Variants in FOCAD observed in about 807,000 individuals in gnomAD.
The protein encoded by FOCAD is focadhesin.
Under a neutral mutation model 225.6 loss-of-function variants are expected in FOCAD, and 198 were observed. That is an observed-to-expected ratio of 0.88 (90% CI 0.78 to 0.99). The LOEUF is 0.99. FOCAD is among the 50% of genes least tolerant of loss of function. The pLI is 0.00. For synonymous variants in FOCAD, 897 were observed against 755.0 expected (o/e 1.19, Z -3.08); for missense variants, 2,713 against 2,123.6 (o/e 1.28, Z -5.46).
intron 19 of FOCAD, among the ~76,000 whole-genome samples, chr9:20,881,000 G>T (rs759565237): frequency 1.5e-4 from 23 of 152,042 alleles, no homozygotes; most frequent in Non-Finnish European, 2.6e-4. Context: ...TCATATTTCT[G>T]TTATTATATA....
intron 31 of FOCAD, among the ~76,000 whole-genome samples, 158 bp from the exon 32 acceptor site, chr9:20,948,693 T>C (rs1188832905): frequency 1.3e-5 from 2 of 152,216 alleles, no homozygotes; most frequent in Non-Finnish European, 2.9e-5. Context: ...TACTTTATTT[T>C]AGTCTGCTGC....
At chr9:20,870,237 T>G (rs550982885) in intron 18 of FOCAD, among the ~76,000 whole-genome samples, 2 of 152,218 alleles carry the variant, frequency 1.3e-5, no homozygotes, top group Non-Finnish European at 1.5e-5. Flanking sequence ...ATAAATATGG[T>G]GTAACCCGTT....
At chr9:20,850,980 TC>T (rs1046048159) in intron 15 of FOCAD, among the ~76,000 whole-genome samples, 1 of 151,176 alleles carries the variant, frequency 6.6e-6, no homozygotes, top group Non-Finnish European at 1.5e-5. Context: ...CTGCAAAGCG[TC>T]CAGCTTAGTA....
chr9:20,993,280 G>A lies in FOCAD; in HGVS notation c.5284G>A (p.Glu1762Lys), dbSNP rs774849595. ...CATTGACTGGCTATTCAGCATCATG[G>A]AAAGCCCTAAAGAAGCCCTCTCAGC... Reference protein sequence around the residue: ...KFIDWLFSIMESPKEALSAQS... With the variant: ...KFIDWLFSIMKSPKEALSAQS... The change falls in exon 43 of 44, where the codon GAA becomes AAA. Residue 1762 changes from glutamate (E) to lysine (K), a missense_variant. Glu to Lys is a moderately conservative substitution (Grantham distance 56). Transcript: ENST00000338382. The A allele has an allele frequency of 1.2e-6, 2 of 1,613,930 alleles. No individual in the cohort carries two copies. Among genetic ancestry groups the A allele is most frequent in the Non-Finnish European group, 1.7e-6 (2 of 1,179,898 alleles).
chr9:20,676,620 T>C (rs1250971068), intron 2 of FOCAD, among the ~76,000 whole-genome samples: 1 of 152,188 alleles, frequency 6.6e-6, no homozygotes. Context: ...AAGCAAGAGC[T>C]CCATTCCCAC....
At chr9:20,716,943 C>T (rs1413991047) in intron 2 of FOCAD, among the ~76,000 whole-genome samples, 1 of 152,120 alleles carries the variant, frequency 6.6e-6, no homozygotes, top group Non-Finnish European at 1.5e-5. Flanking sequence ...TAGTGGCACA[C>T]AGTATAATGG....
chr9:20,718,761 A>C (rs1460476854), intron 3 of FOCAD, among the ~76,000 whole-genome samples: 4 of 152,198 alleles, frequency 2.6e-5, no homozygotes, highest in African/African-American at 9.7e-5. Flanking sequence ...AACTGCCAGG[A>C]TTTATTGAAT....
At chr9:20,812,630 T>C (rs1823213172) in intron 11 of FOCAD, among the ~76,000 whole-genome samples, 3 of 152,122 alleles carry the variant, frequency 2.0e-5, no homozygotes, top group African/African-American at 7.2e-5. Context: ...GGTGAAGACT[T>C]GCATGATGGC....
chr9:20,884,249 C>T (rs1830916577), intron 20 of FOCAD, among the ~76,000 whole-genome samples: 1 of 152,074 alleles, frequency 6.6e-6, no homozygotes, highest in African/African-American at 2.4e-5. Context: ...TAATATTTTA[C>T]ATGTGATCTT....
intron 2 of FOCAD, among the ~76,000 whole-genome samples, chr9:20,668,088 T>G (rs1483229027): frequency 1.3e-5 from 2 of 152,258 alleles, no homozygotes; most frequent in Non-Finnish European, 2.9e-5. Context: ...ATAAATACAT[T>G]TCCACATTTC....
In FOCAD at chr9:20,670,078, T is replaced by TG. The variant is rs375483230; in HGVS notation, c.-78+11253dup. On this transcript the variant is annotated intron_variant, in intron 2 of 45. Coordinates refer to the FOCAD transcript ENST00000380249. Reference sequence around the variant, plus strand: ...TATTATGCATCTTTTTAACCCATGGTGTTTATTAGAGCACTTTCTACATAG... The same window carrying TG: ...TATTATGCATCTTTTTAACCCATGGTGGTTTATTAGAGCACTTTCTACATAG... Among the ~76,000 whole-genome samples the TG allele has an allele frequency of 5.9e-5, 9 of 152,350 alleles. No homozygotes were observed. In the East Asian group the frequency reaches 1.5e-3, roughly 26 times the overall value.
chr9:20,940,518 C>T (rs1279609693), intron 28 of FOCAD, among the ~76,000 whole-genome samples: 6 of 152,048 alleles, frequency 3.9e-5, no homozygotes, highest in South Asian at 2.1e-4. Flanking sequence ...CTCCTGGCCT[C>T]GAGTAATCCT....
At chr9:20,923,260 A>G (rs947797743) in intron 24 of FOCAD, among the ~76,000 whole-genome samples, 6 of 152,206 alleles carry the variant, frequency 3.9e-5, no homozygotes, top group East Asian at 1.9e-4. Flanking sequence ...AGATTGTTCT[A>G]TTCTGCTGGG....
intron 38 of FOCAD, 94 bp from the exon 39 acceptor site, chr9:20,982,263 T>C: frequency 1.1e-6 from 1 of 875,822 alleles, no homozygotes; most frequent in Non-Finnish European, 1.8e-6. Context: ...TCAGCTGCTG[T>C]TCATGGGGAT....
At chr9:20,778,546 A>T in intron 8 of FOCAD, 135 bp from the exon 9 acceptor site, 2 of 564,752 alleles carry the variant, frequency 3.5e-6, no homozygotes, top group Non-Finnish European at 6.4e-6. Flanking sequence ...AGTAGAGCAC[A>T]CTTGCTGTAT....
chr9:20,788,434 C>T (rs955204211), intron 10 of FOCAD, among the ~76,000 whole-genome samples: 3 of 152,136 alleles, frequency 2.0e-5, no homozygotes, highest in African/African-American at 7.2e-5. Context: ...AAGTTATAAA[C>T]TTTAAAAGGG....
At chr9:20,759,490 G>T (rs1024310565) in intron 6 of FOCAD, among the ~76,000 whole-genome samples, 11 of 152,184 alleles carry the variant, frequency 7.2e-5, no homozygotes, top group Non-Finnish European at 1.6e-4. Flanking sequence ...AAATGGTGCT[G>T]GGAAAACTGG....
At chr9:20,916,138 A>G (rs1833845239) in intron 23 of FOCAD, among the ~76,000 whole-genome samples, 1 of 152,194 alleles carries the variant, frequency 6.6e-6, no homozygotes, top group South Asian at 2.1e-4. Flanking sequence ...TTTAAATGCA[A>G]CAACTTTAAC....
Position 20,885,093 on chromosome 9 carries a change from A to T in FOCAD, c.2504-16A>T, listed in dbSNP as rs1352666251. On this transcript the variant is annotated splice_polypyrimidine_tract_variant and intron_variant, in intron 20 of 43. Coordinates refer to ENST00000338382, the MANE Select transcript of FOCAD (RefSeq NM_001375567.1). Reference sequence around the variant, plus strand: ...AAAATAAAAATAAAATAAAGTCTATATAATTTTTTTTAAAGGTGGTATGTT... The same window carrying T: ...AAAATAAAAATAAAATAAAGTCTATTTAATTTTTTTTAAAGGTGGTATGTT... 1 of 1,360,670 alleles carries T rather than the reference A, an allele frequency of 7.3e-7. No homozygotes were observed. 84.3% of individuals were successfully genotyped at this position (1,360,670 alleles called of 1,614,324 possible).
Sources: gnomAD v4.1 joint callset for allele counts (sites outside exome capture counted in the v4.1 genomes callset) on GRCh38, gnomAD v4.1.1 for gene constraint, MANE v1.5 for transcripts, NCBI Gene and HGNC (gene_info 2026-07-23, HGNC 2026-07-21) for gene names.